The following TTC29 variants were observed in gnomAD, a reference collection of about 807,000 sequenced individuals.
TTC29 encodes the protein tetratricopeptide repeat domain 29.
A neutral mutation model predicts 58.1 loss-of-function variants in TTC29; 49 were observed. The observed-to-expected ratio is 0.84, with a 90% CI of 0.67 to 1.07. The LOEUF is 1.07. TTC29 is among the 50% of genes least tolerant of loss of function. The probability of loss-of-function intolerance (pLI) is 0.00; values close to 1 mark genes in which losing one functional copy is unlikely to be tolerated. For synonymous variants in TTC29, 209 were observed against 196.8 expected, an observed-to-expected ratio of 1.06 and a Z score of -0.52; for missense variants, 582 against 555.6, an observed-to-expected ratio of 1.05 and a Z score of -0.48.
intron 11 of TTC29, among the ~76,000 whole-genome samples, chr4:146,780,924 A>G (rs1383584009): frequency 6.6e-6 from 1 of 152,066 alleles, no homozygotes; most frequent in Non-Finnish European, 1.5e-5. Context: ...AGTCTCACAA[A>G]TATAAAAATA....
chr4:146,858,991 T>C (rs1179855738), intron 8 of TTC29, among the ~76,000 whole-genome samples: 2 of 152,180 alleles, frequency 1.3e-5, no homozygotes, highest in South Asian at 2.1e-4. Context: ...CTTTACTTCA[T>C]ACAAATGTCT....
Position 146,803,589 on chromosome 4 carries a change from A to G in TTC29, c.1198T>C (p.Tyr400His), listed in dbSNP as rs1178577182. 2 of 1,608,464 alleles carry G rather than the reference A, an allele frequency of 1.2e-6. No individual in the cohort carries two copies. Among genetic ancestry groups the G allele is most frequent in the African/African-American group, 1.3e-5 (1 of 74,888 alleles). The change falls in exon 11 of 13, where the codon TAT (tyrosine) becomes CAT (histidine). Residue 400 changes from tyrosine (Y) to histidine (H), a missense_variant. Coordinates refer to ENST00000325106, the MANE Select transcript of TTC29 (RefSeq NM_031956.4). ...MPLMDETKVH[Y>H]GIAKAHQMML... ...ATCTGATGAGCTTTTGCTATTCCATAGTGAACTTTTGTCTCATCCATCAGA... is the reference window on the plus strand; with the variant it reads ...ATCTGATGAGCTTTTGCTATTCCATGGTGAACTTTTGTCTCATCCATCAGA...
chr4:146,819,550 T>C (rs986174833), intron 10 of TTC29, among the ~76,000 whole-genome samples: 1 of 152,216 alleles, frequency 6.6e-6, no homozygotes, highest in African/African-American at 2.4e-5. Flanking sequence ...TTGTGACCAG[T>C]ACATTCTACT....
At chr4:146,890,825 T>TTTTG (rs1188831446) in intron 6 of TTC29, among the ~76,000 whole-genome samples, 1 of 152,150 alleles carries the variant, frequency 6.6e-6, no homozygotes, top group Admixed American at 6.6e-5. Flanking sequence ...AGCCTGTTTC[T>TTTTG]TTTGTTTGTT....
At chr4:146,737,586 GC>G (rs1352826019) in intron 11 of TTC29, among the ~76,000 whole-genome samples, 1 of 47,254 alleles carries the variant, frequency 2.1e-5, no homozygotes, top group African/African-American at 6.7e-5. Flanking sequence ...GATGCTAGTA[GC>G]CCTGGGGGGG....
At position 146,745,309 on chromosome 4, in the gene TTC29, C is replaced by G. The variant is rs988241619; in HGVS notation, c.1331-37758G>C. Among the ~76,000 whole-genome samples, 9 of 152,248 alleles carry G rather than the reference C, an allele frequency of 5.9e-5. No homozygotes were observed. In the East Asian group the frequency reaches 9.6e-4, roughly 16 times the overall value. ...AGAGATTTATTGGCAAGAACCAGAG[C>G]CTTCTGGAACTAGAAGGGGAAAATG... On this transcript the variant is annotated intron_variant, in intron 11 of 12. Coordinates refer to ENST00000325106, the MANE Select transcript of TTC29 (RefSeq NM_031956.4).
At chr4:146,830,078 A>C (rs1262843159) in intron 9 of TTC29, among the ~76,000 whole-genome samples, 1 of 152,092 alleles carries the variant, frequency 6.6e-6, no homozygotes, top group Non-Finnish European at 1.5e-5. Context: ...TGTTTTATGG[A>C]CCATAATTCT....
At chr4:146,748,381 C>T (rs771255829) in intron 11 of TTC29, among the ~76,000 whole-genome samples, 7 of 152,166 alleles carry the variant, frequency 4.6e-5, no homozygotes, top group Admixed American at 6.5e-5. Flanking sequence ...ACAGTAGTTT[C>T]ACAAGACCCT....
chr4:146,745,371 G>A (rs1389018291), intron 11 of TTC29, among the ~76,000 whole-genome samples: 12 of 152,232 alleles, frequency 7.9e-5, no homozygotes, highest in African/African-American at 9.6e-5. Context: ...ACTAGTCATG[G>A]AGCTGAGGCT....
intron 11 of TTC29, among the ~76,000 whole-genome samples, chr4:146,719,877 C>T (rs62327977): frequency 2.2e-4 from 34 of 152,146 alleles, no homozygotes; most frequent in Non-Finnish European, 4.7e-4. Flanking sequence ...TTGGAGCTCA[C>T]TGCAGTCATG....
intron 8 of TTC29, among the ~76,000 whole-genome samples, chr4:146,857,312 A>C (rs1373470192): frequency 7.4e-6 from 1 of 135,214 alleles, no homozygotes; most frequent in Non-Finnish European, 1.6e-5. Flanking sequence ...GGTAATGCTA[A>C]ATAGAAAGAG....
chr4:146,877,547 C>A (rs1304891528), intron 6 of TTC29, among the ~76,000 whole-genome samples: 1 of 152,244 alleles, frequency 6.6e-6, no homozygotes, highest in Middle Eastern at 3.4e-3. Context: ...CTCCAAATAC[C>A]CATGACCCTC....
At chr4:146,926,282 G>A (rs73852749) in intron 4 of TTC29, among the ~76,000 whole-genome samples, 11,369 of 152,010 alleles carry the variant, frequency 0.075, 1,449 homozygotes, top group African/African-American at 0.26. Flanking sequence ...TTTTCATCAG[G>A]TAATGAGAAT....
At chr4:146,774,933 G>A (rs1392840153) in intron 11 of TTC29, among the ~76,000 whole-genome samples, 2 of 152,152 alleles carry the variant, frequency 1.3e-5, no homozygotes, top group Non-Finnish European at 2.9e-5. Flanking sequence ...AGGTGCTCTT[G>A]TGTTTGGTAC....
chr4:146,725,357 G>C (rs1021477312), intron 11 of TTC29, among the ~76,000 whole-genome samples: 5 of 152,012 alleles, frequency 3.3e-5, no homozygotes, highest in Admixed American at 3.3e-4. Flanking sequence ...AACATAGTGA[G>C]ACTTTGTCTC....
At chr4:146,759,289 A>C (rs1746693997) in intron 11 of TTC29, among the ~76,000 whole-genome samples, 1 of 152,168 alleles carries the variant, frequency 6.6e-6, no homozygotes, top group South Asian at 2.1e-4. Context: ...GAAGAATTAG[A>C]TACCCTAAAC....
chr4:146,772,005 G>C (rs1285863406), intron 11 of TTC29, among the ~76,000 whole-genome samples: 3 of 152,166 alleles, frequency 2.0e-5, no homozygotes, highest in African/African-American at 7.2e-5. Flanking sequence ...AATGATTAGT[G>C]ATGGTGAGCA....
At chr4:146,819,387 A>G (rs894198735) in intron 10 of TTC29, among the ~76,000 whole-genome samples, 9 of 152,190 alleles carry the variant, frequency 5.9e-5, no homozygotes, top group African/African-American at 2.2e-4. Flanking sequence ...GTGTATAAAC[A>G]TAATTTGAGA....
intron 8 of TTC29, among the ~76,000 whole-genome samples, chr4:146,853,454 C>A (rs1408892870): frequency 6.6e-6 from 1 of 152,020 alleles, no homozygotes; most frequent in Non-Finnish European, 1.5e-5. Flanking sequence ...TTTTTATTGG[C>A]TGCATTGTAT....
Sources: gnomAD v4.1 joint callset for allele counts (sites outside exome capture counted in the v4.1 genomes callset) on GRCh38, gnomAD v4.1.1 for gene constraint, MANE v1.5 for transcripts, NCBI Gene and HGNC (gene_info 2026-07-23, HGNC 2026-07-21) for gene names.